The following IGF1R variants were observed in gnomAD, a reference collection of about 807,000 sequenced individuals.
IGF1R encodes the protein insulin-like growth factor 1 receptor.
IGF1R carries 44 observed loss-of-function variants against 144.6 expected under a neutral mutation model. The observed-to-expected ratio is 0.30, with a 90% CI of 0.24 to 0.39. The LOEUF is 0.39. Among genes scored for constraint, IGF1R ranks in the 10% least tolerant of loss-of-function variants. The pLI is 1.00. For synonymous variants in IGF1R, 795 were observed against 722.8 expected (o/e 1.10, Z -1.60); for missense variants, 1,355 against 1,833.7 (o/e 0.74, Z 4.77).
intron 2 of IGF1R, among the ~76,000 whole-genome samples, chr15:98,771,604 T>A (rs987838990): frequency 2.0e-5 from 3 of 152,144 alleles, no homozygotes; most frequent in Admixed American, 6.5e-5. Context: ...TCCAGAGACA[T>A]CACTGGTGAG....
At chr15:98,911,565 C>G in intron 7 of IGF1R, 124 bp downstream of exon 7, 3 of 1,243,038 alleles carry the variant, frequency 2.4e-6, no homozygotes, top group Non-Finnish European at 3.5e-6. Flanking sequence ...GGGAGAGCCA[C>G]GCCAAACATC....
chr15:98,739,673 A>G (rs1316732999), intron 2 of IGF1R, among the ~76,000 whole-genome samples: 1 of 152,182 alleles, frequency 6.6e-6, no homozygotes, highest in Non-Finnish European at 1.5e-5. Flanking sequence ...CAGTGGCACT[A>G]TCTTGGCTCA....
intron 1 of IGF1R, among the ~76,000 whole-genome samples, chr15:98,675,375 C>T (rs1348505859): frequency 6.6e-6 from 1 of 152,092 alleles, no homozygotes; most frequent in East Asian, 1.9e-4. Context: ...ATTCTTTGGG[C>T]TAGATTCCTA....
intron 5 of IGF1R, among the ~76,000 whole-genome samples, chr15:98,903,589 C>T (rs1033518708): frequency 6.6e-6 from 1 of 152,154 alleles, no homozygotes; most frequent in African/African-American, 2.4e-5. Context: ...ATGCTGGTAG[C>T]AGTATTACTC....
chr15:98,679,949 TAAAA>T (rs200754035), intron 1 of IGF1R, among the ~76,000 whole-genome samples: 1 of 143,752 alleles, frequency 7.0e-6, no homozygotes, highest in Admixed American at 6.9e-5. Context: ...TTTAAAAAGT[TAAAA>T]AAAAAAGTTA....
intron 2 of IGF1R, among the ~76,000 whole-genome samples, chr15:98,762,628 T>C (rs1456800258): frequency 6.6e-6 from 1 of 151,694 alleles, no homozygotes; most frequent in African/African-American, 2.4e-5. Flanking sequence ...CTCGGGAGGC[T>C]GAGGCAGGAG....
intron 2 of IGF1R, among the ~76,000 whole-genome samples, chr15:98,752,626 T>C (rs2141336449): frequency 6.6e-6 from 1 of 151,590 alleles, no homozygotes; most frequent in East Asian, 2.0e-4. Context: ...GAGCTTGCAG[T>C]GAGCGGAGAT....
At position 98,962,330 on chromosome 15, in the gene IGF1R, A is replaced by C. The variant is rs1027809090; in HGVS notation, c.*4888A>C. On this transcript the variant is annotated 3_prime_UTR_variant, in exon 21 of 21. Coordinates refer to ENST00000650285, the MANE Select transcript of IGF1R (RefSeq NM_000875.5). The stretch of plus-strand genomic sequence containing the variant: ...AGTTTGGGGTTTGTTCTTTTCGTTA[A>C]TGTTCCTCTGTGTTGTCAGCTGTCT... 1 of 233,366 alleles carries C rather than the reference A, an allele frequency of 4.3e-6. No individual in the cohort carries two copies. The highest frequency in any genetic ancestry group is 8.5e-6 in the Non-Finnish European group (1 of 118,134). The allele number at this position is 233,366 out of a possible 1,614,324, so 14.5% of individuals were successfully genotyped here.
intron 2 of IGF1R, among the ~76,000 whole-genome samples, chr15:98,730,613 TC>T (rs2054476209): frequency 6.6e-6 from 1 of 152,180 alleles, no homozygotes; most frequent in African/African-American, 2.4e-5. Flanking sequence ...CTTGTTTCCC[TC>T]CTTCATGGCT....
intron 2 of IGF1R, among the ~76,000 whole-genome samples, chr15:98,819,459 C>T (rs964402787): frequency 6.6e-6 from 1 of 152,124 alleles, no homozygotes; most frequent in African/African-American, 2.4e-5. Context: ...TAAAAGAGAG[C>T]TGCTTTGCCT....
Position 98,649,479 on chromosome 15 carries a change from G to C in IGF1R, c.-103G>C. 1 of 817,314 alleles carries C rather than the reference G, an allele frequency of 1.2e-6. No individual in the cohort carries two copies. Among genetic ancestry groups the C allele is most frequent in the African/African-American group, 1.8e-5 (1 of 56,670 alleles). The allele number at this position is 817,314 out of a possible 1,614,324, so 50.6% of individuals were successfully genotyped here. Reference sequence around the variant, plus strand: ...TGTTTTTGGAGGGGGAGCGAAGACTGAGTTTGAGACTTGTTTCCTTTCATT... The same window carrying C: ...TGTTTTTGGAGGGGGAGCGAAGACTCAGTTTGAGACTTGTTTCCTTTCATT... On this transcript the variant is annotated 5_prime_UTR_variant, in exon 1 of 21. Transcript: ENST00000650285.
chr15:98,806,994 CAAAAGAAAA>C (rs1415322592), intron 2 of IGF1R, among the ~76,000 whole-genome samples: 2 of 151,566 alleles, frequency 1.3e-5, no homozygotes, highest in Non-Finnish European at 2.9e-5. Context: ...AACCCCGTCT[CAAAAGAAAA>C]AAAAGAAAAG....
At chr15:98,875,344 C>G (rs374066385) in intron 2 of IGF1R, among the ~76,000 whole-genome samples, 1 of 121,504 alleles carries the variant, frequency 8.2e-6, no homozygotes, top group Non-Finnish European at 1.7e-5. Flanking sequence ...CTTTTCTTTT[C>G]TTTTCTTTTT....
intron 2 of IGF1R, among the ~76,000 whole-genome samples, chr15:98,838,403 A>G (rs555886116): frequency 2.6e-5 from 4 of 152,370 alleles, no homozygotes; most frequent in African/African-American, 4.8e-5. Context: ...TGAAAATGCT[A>G]TCTGGGATGT....
rs116383914 is a variant in IGF1R, at chr15:98,961,845, C to T, written c.*4403C>T. ...GAAGATGGAAGACCGTGTTCGTGGC[C>T]GACCTGGCCTCTCCTGGCCTGTTTC... On this transcript the variant is annotated 3_prime_UTR_variant, in exon 21 of 21. Coordinates refer to ENST00000650285, the MANE Select transcript of IGF1R (RefSeq NM_000875.5). 21 of 233,306 alleles carry T rather than the reference C, an allele frequency of 9.0e-5. No individual in the cohort carries two copies. The highest frequency in any genetic ancestry group is 1.3e-3 in the Middle Eastern group (1 of 786). 14.5% of individuals were successfully genotyped at this position (233,306 alleles called of 1,614,324 possible).
chr15:98,899,411 A>G, intron 4 of IGF1R, 66 bp from the exon 5 acceptor site: 3 of 1,536,372 alleles, frequency 2.0e-6, no homozygotes, highest in Non-Finnish European at 2.7e-6. Context: ...TTGTGTTTGT[A>G]AGAATCCAAG....
intron 2 of IGF1R, among the ~76,000 whole-genome samples, chr15:98,843,006 T>C (rs1389169999): frequency 6.6e-6 from 1 of 152,196 alleles, no homozygotes; most frequent in Non-Finnish European, 1.5e-5. Flanking sequence ...AAAGCTGTCT[T>C]TATATTACCA....
At chr15:98,683,943 G>T (rs756339111) in intron 1 of IGF1R, among the ~76,000 whole-genome samples, 1 of 152,126 alleles carries the variant, frequency 6.6e-6, no homozygotes, top group Admixed American at 6.5e-5. Flanking sequence ...ATCACCTGGC[G>T]GGCGTAGATC....
intron 2 of IGF1R, among the ~76,000 whole-genome samples, chr15:98,832,929 G>T (rs543912549): frequency 1.3e-5 from 2 of 152,320 alleles, no homozygotes; most frequent in Non-Finnish European, 2.9e-5. Context: ...GTCTATGTCT[G>T]TGATAGTAAT....
Sources: gnomAD v4.1 joint callset for allele counts (sites outside exome capture counted in the v4.1 genomes callset) on GRCh38, gnomAD v4.1.1 for gene constraint, MANE v1.5 for transcripts, NCBI Gene and HGNC (gene_info 2026-07-23, HGNC 2026-07-21) for gene names.